The following SLC4A7 variants were observed in gnomAD, a reference collection of about 807,000 sequenced individuals.
The protein encoded by SLC4A7 is sodium bicarbonate cotransporter 3.
A neutral mutation model predicts 137.6 loss-of-function variants in SLC4A7; 51 were observed. That is an observed-to-expected ratio of 0.37 (90% CI 0.30 to 0.47). SLC4A7 has a LOEUF of 0.47. SLC4A7 is among the 20% of genes least tolerant of loss of function. The probability of loss-of-function intolerance (pLI) is 1.00; values close to 1 mark genes in which losing one functional copy is unlikely to be tolerated. For synonymous variants in SLC4A7, 542 were observed against 518.6 expected, an observed-to-expected ratio of 1.05 and a Z score of -0.61; for missense variants, 1,247 against 1,525.4, an observed-to-expected ratio of 0.82 and a Z score of 3.04.
At chr3:27,382,946 T>C (rs551474175) in intron 24 of SLC4A7, among the ~76,000 whole-genome samples, 34 of 152,280 alleles carry the variant, frequency 2.2e-4, no homozygotes, top group African/African-American at 7.9e-4. Flanking sequence ...TAAGTCCAGC[T>C]TGGGTTAGTC....
intron 16 of SLC4A7, among the ~76,000 whole-genome samples, chr3:27,400,268 C>T (rs1049304300): frequency 4.5e-4 from 69 of 152,272 alleles, no homozygotes; most frequent in African/African-American, 1.6e-3. Flanking sequence ...CTTTCTCTTC[C>T]CTTAATGTTC....
intron 22 of SLC4A7, 119 bp from the exon 23 acceptor site, chr3:27,386,142 C>A: frequency 3.0e-6 from 2 of 656,170 alleles, no homozygotes; most frequent in Non-Finnish European, 4.9e-6. Flanking sequence ...AAAAATTATT[C>A]ACACATCATT....
intron 1 of SLC4A7, among the ~76,000 whole-genome samples, chr3:27,463,668 AGCCG>A (rs2058819371): frequency 6.6e-6 from 1 of 152,142 alleles, no homozygotes; most frequent in Non-Finnish European, 1.5e-5. Flanking sequence ...GATGGGGTGG[AGCCG>A]CGAAGTTTGC....
chr3:27,383,361 A>G (rs888148310), intron 23 of SLC4A7, 111 bp from the exon 24 acceptor site: 10 of 748,896 alleles, frequency 1.3e-5, no homozygotes, highest in Non-Finnish European at 1.8e-5. Flanking sequence ...TTATTTAAAT[A>G]TAACTGCCAT....
chr3:27,386,243 G>A (rs1195130381), intron 22 of SLC4A7, among the ~76,000 whole-genome samples: 2 of 150,260 alleles, frequency 1.3e-5, no homozygotes, highest in Non-Finnish European at 3.0e-5. Context: ...AAAAGGAAAT[G>A]GCATTCTTAA....
chr3:27,474,850 G>A (rs547096754), intron 1 of SLC4A7, among the ~76,000 whole-genome samples: 5 of 152,108 alleles, frequency 3.3e-5, no homozygotes, highest in South Asian at 2.1e-4. Flanking sequence ...GGCCAGGCGC[G>A]GTGGCTCACA....
chr3:27,472,355 A>G (rs2059283612), intron 1 of SLC4A7, among the ~76,000 whole-genome samples: 2 of 152,180 alleles, frequency 1.3e-5, no homozygotes, highest in African/African-American at 4.8e-5. Flanking sequence ...TGGGAGGACA[A>G]AGTGGGCTGA....
At chr3:27,429,384 A>C (rs1477144636) in intron 7 of SLC4A7, among the ~76,000 whole-genome samples, 1 of 152,150 alleles carries the variant, frequency 6.6e-6, no homozygotes, top group African/African-American at 2.4e-5. Flanking sequence ...GAAAATTTCA[A>C]GGTAAATTTG....
At chr3:27,378,679 A>C (rs748177551) in intron 25 of SLC4A7, among the ~76,000 whole-genome samples, 1 of 152,192 alleles carries the variant, frequency 6.6e-6, no homozygotes, top group Non-Finnish European at 1.5e-5. Context: ...TCCAAGCAAA[A>C]TGTTTACCTC....
At position 27,484,070 on chromosome 3, in the gene SLC4A7, G is replaced by A; in HGVS notation, c.57C>T (p.Ser19=). 1 of 1,409,368 alleles carries A rather than the reference G, an allele frequency of 7.1e-7. No homozygotes were observed. The highest frequency in any genetic ancestry group is 1.4e-5 in the South Asian group (1 of 69,154). 87.3% of individuals were successfully genotyped at this position (1,409,368 alleles called of 1,614,324 possible). Residue 19 remains serine, a synonymous_variant, in exon 1 of 26, where the codon AGC becomes AGT. Coordinates refer to ENST00000454389, the MANE Select transcript of SLC4A7 (RefSeq NM_001321103.2). ...CCCACCGCCGCGGCGCCCTCACCCT[G>A]CTCGTTACCCGGGTGAGTAGCGGTC... ...QMRPLLTRVT[S]RGPDEEAVVD... is the part of the protein sequence containing the mutation.
intron 6 of SLC4A7, 73 bp from the exon 7 acceptor site, chr3:27,431,742 T>C (rs2056321209): frequency 1.4e-6 from 2 of 1,432,526 alleles, no homozygotes; most frequent in Non-Finnish European, 9.3e-7. Flanking sequence ...TAAAAAAAAA[T>C]CAATTTACAC....
intron 16 of SLC4A7, 140 bp downstream of exon 16, chr3:27,400,624 C>G (rs115356840): frequency 0.026 from 14,579 of 568,842 alleles, 252 homozygotes; most frequent in Middle Eastern, 0.045. Context: ...GTAGCAACTG[C>G]TATCTGGTCA....
At chr3:27,429,953 C>T (rs183943247) in intron 7 of SLC4A7, among the ~76,000 whole-genome samples, 1 of 152,044 alleles carries the variant, frequency 6.6e-6, no homozygotes, top group African/African-American at 2.4e-5. Context: ...TGGTGACTCA[C>T]ACCTATAATC....
rs575446889 is a variant in SLC4A7 at position 27,411,277 on chromosome 3, T to C, written c.1766+365A>G. Among the ~76,000 whole-genome samples, 4 of 152,176 alleles carry C rather than the reference T, an allele frequency of 2.6e-5. No individual in the cohort carries two copies. The East Asian group carries it at 7.7e-4, about 29-fold the overall frequency. ...TGCACATATACAAAGAAATTATTAG[T>C]TGTAATTACTCTCTGTTCCCATAAT... On this transcript the variant is annotated intron_variant, in intron 12 of 25. Coordinates refer to ENST00000454389, the MANE Select transcript of SLC4A7 (RefSeq NM_001321103.2).
Position 27,376,767 on chromosome 3 carries a change from T to G in SLC4A7, c.3777A>C (p.Leu1259Phe), listed in dbSNP as rs768397674. The G allele has an allele frequency of 1.9e-6, 3 of 1,584,148 alleles. No individual in the cohort carries two copies. The Admixed American group carries it at 5.1e-5, about 27-fold the overall frequency. Reference protein sequence around the residue: ...RKKYVDAETSL With the variant: ...RKKYVDAETSF Reference sequence around the variant, plus strand: ...TATAATGCCTCTTGGTTCAATTCTATAATGAAGTTTCAGCATCCACGTATT... The same window carrying G: ...TATAATGCCTCTTGGTTCAATTCTAGAATGAAGTTTCAGCATCCACGTATT... The change falls in exon 26 of 26, where the codon TTA (leucine) becomes TTC (phenylalanine). Residue 1259 changes from leucine (L) to phenylalanine (F), a missense_variant. Around this residue, in one of 6 missense-constraint regions of SLC4A7, gnomAD observed 290 missense variants for 323.8 expected, o/e 0.90. Coordinates refer to ENST00000454389, the MANE Select transcript of SLC4A7 (RefSeq NM_001321103.2).
intron 1 of SLC4A7, among the ~76,000 whole-genome samples, chr3:27,470,865 C>A (rs977820226): frequency 6.6e-6 from 1 of 152,128 alleles, no homozygotes; most frequent in Non-Finnish European, 1.5e-5. Flanking sequence ...CCCCTTGAAT[C>A]CAGTAGGCGG....
chr3:27,468,176 G>A (rs2059087446), intron 1 of SLC4A7, among the ~76,000 whole-genome samples: 3 of 152,046 alleles, frequency 2.0e-5, no homozygotes, highest in East Asian at 1.9e-4. Context: ...TGATCCGCCC[G>A]CCTCGGCCTC....
At chr3:27,397,278 A>T (rs914700270) in intron 18 of SLC4A7, among the ~76,000 whole-genome samples, 2 of 152,136 alleles carry the variant, frequency 1.3e-5, no homozygotes, top group Non-Finnish European at 2.9e-5. Context: ...GGCCTCCCAA[A>T]GTGCTGGGAT....
intron 1 of SLC4A7, among the ~76,000 whole-genome samples, chr3:27,459,986 T>TACAC (rs752496985): frequency 7.6e-6 from 1 of 131,334 alleles, no homozygotes; most frequent in Non-Finnish European, 1.6e-5. Context: ...TATATATATA[T>TACAC]ATATACACAC....
Sources: allele counts gnomAD v4.1 joint callset (sites outside exome capture counted in the v4.1 genomes callset), GRCh38; gene constraint gnomAD v4.1.1; regional missense constraint gnomAD v4.1.1; transcripts MANE v1.5; gene names NCBI Gene and HGNC (gene_info 2026-07-23, HGNC 2026-07-21).